CD247: variants seen among roughly 807,000 people sequenced by gnomAD.
CD247 encodes CD247 molecule, also known as T-cell surface glycoprotein CD3 zeta chain.
CD247 carries 13 observed loss-of-function variants against 30.0 expected under a neutral mutation model. That is an observed-to-expected ratio of 0.43 (90% CI 0.28 to 0.69). CD247 has a LOEUF of 0.69. Among genes scored for constraint, CD247 ranks in the 30% least tolerant of loss-of-function variants. The probability of loss-of-function intolerance (pLI) is 0.16; values close to 1 mark genes in which losing one functional copy is unlikely to be tolerated. For missense variants in CD247, 193 were observed against 212.6 expected (o/e 0.91, Z 0.57); for synonymous variants, 72 against 80.0 (o/e 0.90, Z 0.53).
intron 1 of CD247, among the ~76,000 whole-genome samples, chr1:167,509,312 C>T (rs781329995): frequency 3.4e-5 from 5 of 145,540 alleles, no homozygotes; most frequent in Admixed American, 7.1e-5. Flanking sequence ...TGTGGTGAGC[C>T]GAGATCGCGC....
At chr1:167,517,215 G>T (rs1429766866) in intron 1 of CD247, among the ~76,000 whole-genome samples, 1 of 152,192 alleles carries the variant, frequency 6.6e-6, no homozygotes, top group African/African-American at 2.4e-5. Flanking sequence ...GCAGCTGCAC[G>T]GGCCTCAGAA....
rs555297676 is a variant in CD247, at chr1:167,509,320, C to T, written c.58+9088G>A. Among the ~76,000 whole-genome samples, 209 of 147,580 alleles carry T rather than the reference C, an allele frequency of 1.4e-3. 1 individual carries two copies. The highest frequency in any genetic ancestry group is 1.8e-3 in the African/African-American group (70 of 39,736). ...TGGGGGTTGTGGTGAGCCGAGATCG[C>T]GCCATTGCACTCCAGCCTAGTCAAC... On this transcript the variant is annotated intron_variant, in intron 1 of 7. Coordinates refer to ENST00000362089, the MANE Select transcript of CD247 (RefSeq NM_198053.3).
At chr1:167,453,155 G>T (rs1652452282) in intron 1 of CD247, among the ~76,000 whole-genome samples, 1 of 151,664 alleles carries the variant, frequency 6.6e-6, no homozygotes, top group Admixed American at 6.6e-5. Context: ...AACAATCATT[G>T]TCATACCAAA....
chr1:167,457,367 A>G lies in CD247; in HGVS notation c.59-16600T>C, dbSNP rs201056186. 4 of 152,474 alleles carry G rather than the reference A, an allele frequency of 2.6e-5. No homozygotes were observed. The East Asian group carries it at 5.8e-4, about 22-fold the overall frequency. 9.4% of individuals were successfully genotyped at this position (152,474 alleles called of 1,614,324 possible). A position where few individuals can be genotyped will look rare whatever the true frequency, so the allele number is the denominator to read the frequency against. ...GAGACAACGAGTCCAATTCCCAAAC[A>G]GACCAGAATGACCAGCAAAGGAGAA... On this transcript the variant is annotated intron_variant, in intron 1 of 7. Transcript: ENST00000362089.
Position 167,507,255 on chromosome 1 carries a change from A to G in CD247, c.58+11153T>C, listed in dbSNP as rs145004513. Among the ~76,000 whole-genome samples, 508 of 151,708 alleles carry G rather than the reference A, an allele frequency of 3.3e-3. 7 individuals are homozygous for G. Among genetic ancestry groups the G allele is most frequent in the African/African-American group, 0.011 (475 of 41,314 alleles). ...TTTTTTTAACCTTCAAAGAGAAGGA[A>G]TGGTGATTGGAGAGAGAGATGATGA... is the stretch of plus-strand genomic sequence containing the variant. On this transcript the variant is annotated intron_variant, in intron 1 of 7. Transcript: ENST00000362089.
chr1:167,454,590 T>C (rs1198890057), intron 1 of CD247, among the ~76,000 whole-genome samples: 1 of 152,246 alleles, frequency 6.6e-6, no homozygotes. Context: ...TTCACGATAA[T>C]GGTATTTGGT....
intron 1 of CD247, among the ~76,000 whole-genome samples, chr1:167,466,798 G>T (rs958060057): frequency 4.6e-5 from 7 of 152,028 alleles, no homozygotes; most frequent in Non-Finnish European, 7.4e-5. Context: ...ACATGCAAAG[G>T]CTTCGGGAGG....
intron 1 of CD247, among the ~76,000 whole-genome samples, chr1:167,441,055 C>G (rs1651800912): frequency 6.6e-6 from 1 of 152,180 alleles, no homozygotes; most frequent in Non-Finnish European, 1.5e-5. Flanking sequence ...GTTCTCTGTG[C>G]ACAGAGCTCC....
intron 1 of CD247, among the ~76,000 whole-genome samples, chr1:167,498,430 G>C (rs1327787188): frequency 3.9e-5 from 6 of 152,206 alleles, no homozygotes; most frequent in Admixed American, 3.9e-4. Context: ...TGTCAAAAGA[G>C]TCTTGCGATC....
At chr1:167,497,477 G>A (rs1033041165) in intron 1 of CD247, among the ~76,000 whole-genome samples, 6 of 151,988 alleles carry the variant, frequency 3.9e-5, no homozygotes, top group Admixed American at 2.6e-4. Flanking sequence ...GTCCTCTTTC[G>A]CTTAGTTCTC....
chr1:167,468,385 C>T (rs942166846), intron 1 of CD247, among the ~76,000 whole-genome samples: 11 of 152,290 alleles, frequency 7.2e-5, no homozygotes, highest in Admixed American at 5.9e-4. Context: ...TACAAAGCAT[C>T]GTTATAATTT....
chr1:167,473,299 C>A (rs1425098942), intron 1 of CD247, among the ~76,000 whole-genome samples: 2 of 152,210 alleles, frequency 1.3e-5, no homozygotes, highest in Admixed American at 1.3e-4. Flanking sequence ...CTGCTCCCTG[C>A]TTGCCATCTC....
At chr1:167,464,726 T>C (rs16859073) in intron 1 of CD247, among the ~76,000 whole-genome samples, 3,510 of 152,296 alleles carry the variant, frequency 0.023, 145 homozygotes, top group African/African-American at 0.08. Flanking sequence ...CTGTAGTTTT[T>C]CTAGCTCTGA....
intron 1 of CD247, among the ~76,000 whole-genome samples, chr1:167,499,458 G>A (rs1238893918): frequency 6.6e-6 from 1 of 152,166 alleles, no homozygotes; most frequent in African/African-American, 2.4e-5. Flanking sequence ...ATTTAGCCAC[G>A]ACTGAAGGTG....
chr1:167,484,745 C>T (rs999452063), intron 1 of CD247, among the ~76,000 whole-genome samples: 1 of 152,228 alleles, frequency 6.6e-6, no homozygotes, highest in Admixed American at 6.5e-5. Flanking sequence ...CCACCGCAGT[C>T]CAGCCCGGCG....
chr1:167,503,401 G>C (rs1402929044), intron 1 of CD247, among the ~76,000 whole-genome samples: 2 of 152,138 alleles, frequency 1.3e-5, no homozygotes, highest in Non-Finnish European at 2.9e-5. Flanking sequence ...TCACTTAATA[G>C]GTGTTCCCTG....
intron 1 of CD247, among the ~76,000 whole-genome samples, chr1:167,512,906 A>G (rs1005160041): frequency 6.6e-6 from 1 of 152,252 alleles, no homozygotes; most frequent in Non-Finnish European, 1.5e-5. Flanking sequence ...GGAGATGGTA[A>G]CAGAGAGTTA....
At chr1:167,503,662 G>A (rs953738863) in intron 1 of CD247, among the ~76,000 whole-genome samples, 4 of 152,124 alleles carry the variant, frequency 2.6e-5, no homozygotes, top group African/African-American at 9.7e-5. Context: ...GAGTGCCTTT[G>A]TTATAAACGT....
intron 1 of CD247, among the ~76,000 whole-genome samples, chr1:167,463,723 T>A (rs544556001): frequency 2.0e-5 from 3 of 152,202 alleles, no homozygotes; most frequent in African/African-American, 7.2e-5. Flanking sequence ...AATGATTGGT[T>A]AGAATTTGAT....
Sources: allele counts gnomAD v4.1 joint callset (sites outside exome capture counted in the v4.1 genomes callset), GRCh38; gene constraint gnomAD v4.1.1; transcripts MANE v1.5; gene names NCBI Gene and HGNC (gene_info 2026-07-23, HGNC 2026-07-21).